The following RAB9B variants were observed in gnomAD, a reference collection of about 807,000 sequenced individuals.
The protein encoded by RAB9B is RAB9B, member RAS oncogene family, also known as ras-related protein Rab-9B.
A neutral mutation model predicts 8.9 loss-of-function variants in RAB9B; 1 was observed. That is an observed-to-expected ratio of 0.11 (90% CI 0.04 to 0.53). The LOEUF (loss-of-function observed/expected upper bound fraction) is 0.53, where lower values mean the gene tolerates loss of function less well. Among genes scored for constraint, RAB9B ranks in the 20% least tolerant of loss-of-function variants. The pLI, the probability that RAB9B is intolerant of heterozygous loss-of-function variation, is 0.93. For missense variants in RAB9B, 82 were observed against 152.9 expected (o/e 0.54, Z 2.45); for synonymous variants, 63 against 57.0 (o/e 1.10, Z -0.47).
the RAB9B span, among the ~76,000 whole-genome samples, chrX:103,803,374 C>A: frequency 8.9e-6 from 1 of 112,165 alleles, no homozygotes; most frequent in East Asian, 2.8e-4. Flanking sequence ...TATTATCTGG[C>A]TTTTTAATTA....
the RAB9B span, among the ~76,000 whole-genome samples, chrX:103,817,097 T>C: frequency 9.2e-4 from 103 of 112,179 alleles, 1 homozygote; most frequent in African/African-American, 3.0e-3. Flanking sequence ...CCCAAAGGAT[T>C]ATAAATCATT....
In RAB9B at chrX:103,830,337, G is replaced by A. The variant is rs1331516944; in HGVS notation, c.-117+1723C>T. Among the ~76,000 whole-genome samples the A allele has an allele frequency of 4.5e-5, 5 of 111,183 alleles. No homozygotes were observed. The East Asian group carries it at 1.4e-3, about 31-fold the overall frequency. On this transcript the variant is annotated intron_variant, in intron 1 of 2. Coordinates refer to ENST00000243298, the MANE Select transcript of RAB9B (RefSeq NM_016370.4). ...ATTTTTTCCTCCCCCAGAATATGCC[G>A]GATTTAATCCAAACCTTTAAACAAG...
chrX:103,785,849 A>G, the RAB9B span: 1 of 894,178 alleles, frequency 1.1e-6, no homozygotes, highest in Non-Finnish European at 1.6e-6. Flanking sequence ...TCAGTACCTT[A>G]GTAACTAGCA....
chrX:103,829,057 T>A (rs1031485835), intron 1 of RAB9B, among the ~76,000 whole-genome samples: 1 of 112,323 alleles, frequency 8.9e-6, no homozygotes, highest in African/African-American at 3.2e-5. Context: ...CAAAGATTTG[T>A]AAGCATTTTT....
Position 103,823,209 on chromosome X carries a change from A to T in RAB9B, c.*1970T>A, listed in dbSNP as rs965674090. On this transcript the variant is annotated 3_prime_UTR_variant, in exon 3 of 3. Coordinates refer to ENST00000243298, the MANE Select transcript of RAB9B (RefSeq NM_016370.4). The stretch of plus-strand genomic sequence containing the variant: ...ACGTACAGATTTTCACCCTAACATG[A>T]TTGTAGCAAAATGATCACAGAACTT... The T allele has an allele frequency of 2.7e-4, 30 of 111,544 alleles. No individual in the cohort carries two copies. Among genetic ancestry groups the T allele is most frequent in the African/African-American group, 9.8e-4 (30 of 30,645 alleles). 9.2% of individuals were successfully genotyped at this position (111,544 alleles called of 1,213,427 possible).
At chrX:103,788,674 T>C in the RAB9B span, 5 of 523,470 alleles carry the variant, frequency 9.6e-6, no homozygotes, top group Admixed American at 2.6e-5. Flanking sequence ...CCAATGAGCA[T>C]AGAAGGTAAA....
chrX:103,788,936 A>G, the RAB9B span: 1 of 279,516 alleles, frequency 3.6e-6, no homozygotes, highest in African/African-American at 2.7e-5. Context: ...TACATTTGAA[A>G]GGGAAAGCAC....
the RAB9B span, among the ~76,000 whole-genome samples, chrX:103,817,156 A>G: frequency 1.8e-5 from 2 of 111,986 alleles, no homozygotes; most frequent in African/African-American, 6.5e-5. Flanking sequence ...CACTATTCAC[A>G]GTAGAAAAGA....
the RAB9B span, among the ~76,000 whole-genome samples, chrX:103,797,359 G>C: frequency 8.9e-6 from 1 of 112,111 alleles, no homozygotes; most frequent in South Asian, 3.7e-4. Flanking sequence ...TTACAGGCAT[G>C]AGCCACTGCT....
At chrX:103,777,728 T>C in the RAB9B span, among the ~76,000 whole-genome samples, 90 of 112,259 alleles carry the variant, frequency 8.0e-4, 1 homozygote, top group African/African-American at 2.8e-3. Context: ...TATTGAGGGC[T>C]TTTCTAGGTT....
the RAB9B span, among the ~76,000 whole-genome samples, chrX:103,783,633 G>A: frequency 8.9e-6 from 1 of 111,898 alleles, no homozygotes; most frequent in Non-Finnish European, 1.9e-5. Context: ...TCACACTGAT[G>A]CAATTCAGCC....
At chrX:103,831,006 G>C (rs1389419378) in intron 1 of RAB9B, among the ~76,000 whole-genome samples, 1 of 110,710 alleles carries the variant, frequency 9.0e-6, no homozygotes, top group Non-Finnish European at 1.9e-5. Context: ...AGAGCAACTG[G>C]GGAGGGCTAG....
intron 1 of RAB9B, among the ~76,000 whole-genome samples, chrX:103,830,518 TCTAA>T (rs976942051): frequency 2.5e-4 from 28 of 111,970 alleles, no homozygotes; most frequent in African/African-American, 7.2e-4. Flanking sequence ...AAGATCTGAC[TCTAA>T]CTGAGTAAAA....
At chrX:103,799,478 C>A in the RAB9B span, among the ~76,000 whole-genome samples, 2 of 111,480 alleles carry the variant, frequency 1.8e-5, no homozygotes, top group South Asian at 7.6e-4. Flanking sequence ...TCAAATGAAT[C>A]ATGTTGCAAT....
the RAB9B span, chrX:103,779,856 A>G: frequency 8.9e-6 from 1 of 112,486 alleles, no homozygotes; most frequent in African/African-American, 3.2e-5. Flanking sequence ...AAGCCTTGAA[A>G]GCCATCCCCT....
the RAB9B span, among the ~76,000 whole-genome samples, chrX:103,799,974 T>C: frequency 2.7e-5 from 3 of 111,533 alleles, no homozygotes; most frequent in Non-Finnish European, 5.6e-5. Flanking sequence ...TGCTCTACTT[T>C]AGAGTCTAAA....
chrX:103,800,034 A>C, the RAB9B span, among the ~76,000 whole-genome samples: 1 of 110,638 alleles, frequency 9.0e-6, no homozygotes, highest in Non-Finnish European at 1.9e-5. Flanking sequence ...TAATACTTGA[A>C]TTGCTTCACA....
chrX:103,789,524 A>G, the RAB9B span: 10 of 583,573 alleles, frequency 1.7e-5, no homozygotes, highest in Non-Finnish European at 3.0e-5. Context: ...TTCTGGGAAG[A>G]TAGCAAAGGG....
chrX:103,786,341 C>T, the RAB9B span: 1 of 1,048,908 alleles, frequency 9.5e-7, no homozygotes, highest in East Asian at 3.0e-5. Context: ...CTGGTGATTC[C>T]TCTAGAAAAT....
Sources: allele counts gnomAD v4.1 joint callset (sites outside exome capture counted in the v4.1 genomes callset), GRCh38; gene constraint gnomAD v4.1.1; transcripts MANE v1.5; gene names NCBI Gene and HGNC (gene_info 2026-07-23, HGNC 2026-07-21).